The following ZMYND19 variants were observed in gnomAD, a reference collection of about 807,000 sequenced individuals.
ZMYND19 encodes zinc finger MYND-type containing 19.
Under a neutral mutation model 32.0 loss-of-function variants are expected in ZMYND19, and 17 were observed. The ratio of observed to expected loss-of-function variants is 0.53; its 90% CI spans 0.36 to 0.80. The LOEUF (loss-of-function observed/expected upper bound fraction) is 0.80. Among genes scored for constraint, ZMYND19 ranks in the 30% least tolerant of loss-of-function variants. ZMYND19 has a pLI of 0.00. For missense variants in ZMYND19, 250 were observed against 293.6 expected, an observed-to-expected ratio of 0.85 and a Z score of 1.09; for synonymous variants, 124 against 113.6, an observed-to-expected ratio of 1.09 and a Z score of -0.58.
At chr9:137,585,198 G>A (rs563173561) in intron 4 of ZMYND19, among the ~76,000 whole-genome samples, 10 of 151,972 alleles carry the variant, frequency 6.6e-5, no homozygotes, top group East Asian at 5.8e-4. Context: ...TGAGGCAGGC[G>A]GATCACCTGA....
rs766803235 is a variant in ZMYND19, at chr9:137,587,784, T to C, written c.151A>G (p.Ile51Val). 6.2e-7 allele frequency: 1 copy of C among 1,614,120 alleles called. No homozygotes were observed. The highest frequency in any genetic ancestry group is 2.2e-5 in the East Asian group (1 of 44,882). Reference protein sequence around the residue: ...EVDADGNGAKIFAYAFDKNRG... With the variant: ...EVDADGNGAKVFAYAFDKNRG... ...TTCTTGTCAAAGGCATAGGCAAATA[T>C]CTTAGCACCATTTCCATCTGCATCC... Residue 51 changes from isoleucine to valine, a missense_variant, in exon 3 of 6, where the codon ATA becomes GTA. Physicochemically the swap from Ile to Val is conservative, Grantham distance 29. Transcript: ENST00000298585.
In ZMYND19 at chr9:137,586,964, C is replaced by T. The variant is rs765254343; in HGVS notation, c.359+3G>A. ...GGCATCGCCAGGCCCTGAGAAGACC[C>T]ACCTCTGCTTGCTGGAGGTCTCTTC... On this transcript the variant is annotated splice_donor_region_variant and intron_variant, in intron 4 of 5. Coordinates refer to ENST00000298585, the MANE Select transcript of ZMYND19 (RefSeq NM_138462.3). 3 of 1,611,932 alleles carry T rather than the reference C, an allele frequency of 1.9e-6. No homozygotes were observed. The highest frequency in any genetic ancestry group is 2.2e-5 in the East Asian group (1 of 44,892).
chr9:137,582,950 GC>G, intron 5 of ZMYND19, 32 bp downstream of exon 5: 1 of 1,609,252 alleles, frequency 6.2e-7, no homozygotes, highest in African/African-American at 1.3e-5. Flanking sequence ...GGGTAGAGGT[GC>G]CAGGGACGCG....
intron 1 of ZMYND19, chr9:137,588,980 T>A: frequency 2.0e-6 from 1 of 489,244 alleles, no homozygotes; most frequent in Non-Finnish European, 3.7e-6. Flanking sequence ...GGTATCAGGC[T>A]TCATCCTCGC....
In ZMYND19 at chr9:137,583,064, G is replaced by A. The variant is rs140870796; in HGVS notation, c.459C>T (p.Asn153=). 2.4e-3 allele frequency: 3,876 copies of A among 1,614,164 alleles called. 67 individuals are homozygous for A. The Admixed American group carries it at 0.033, about 14-fold the overall frequency. The change falls in exon 5 of 6, where the codon AAC becomes AAT. Residue 153 remains asparagine, a synonymous_variant. Coordinates refer to ENST00000298585, the MANE Select transcript of ZMYND19 (RefSeq NM_138462.3). ...TCTCCTCCTCTTCCACTACATCCCC[G>A]TTGGCATTATAATACCGGGTCACAT... ...VLNVTRYYNA[N]GDVVEEEENS...
rs1411745292 is a variant in ZMYND19 at position 137,587,211 on chromosome 9, G to C, written c.219-104C>G. The stretch of plus-strand genomic sequence containing the variant: ...AAAGTCCTTCCAGGAAGAAATGTCA[G>C]CCATGTGATCTGATCGGGCCCCTGG... On this transcript the variant is annotated intron_variant, in intron 3 of 5. Coordinates refer to ENST00000298585, the MANE Select transcript of ZMYND19 (RefSeq NM_138462.3). 7 of 1,530,442 alleles carry C rather than the reference G, an allele frequency of 4.6e-6. No homozygotes were observed. In the East Asian group the frequency reaches 1.6e-4, roughly 34 times the overall value. 94.8% of individuals were successfully genotyped at this position (1,530,442 alleles called of 1,614,324 possible).
intron 1 of ZMYND19, 190 bp from the exon 2 acceptor site, chr9:137,588,908 G>C (rs997851613): frequency 3.3e-6 from 2 of 604,142 alleles, no homozygotes; most frequent in South Asian, 2.0e-5. Context: ...TGCAGTCTAC[G>C]ACAAAACACA....
At chr9:137,589,996 C>A (rs1842253489) in intron 1 of ZMYND19, 2 of 985,098 alleles carry the variant, frequency 2.0e-6, no homozygotes, top group Admixed American at 6.1e-5. Flanking sequence ...TGGCCAGGTG[C>A]ACCCCAGAGC....
At chr9:137,585,196 G>A (rs970142446) in intron 4 of ZMYND19, among the ~76,000 whole-genome samples, 1 of 152,044 alleles carries the variant, frequency 6.6e-6, no homozygotes, top group African/African-American at 2.4e-5. Flanking sequence ...GCTGAGGCAG[G>A]CGGATCACCT....
At chr9:137,584,111 G>A (rs776479845) in intron 4 of ZMYND19, among the ~76,000 whole-genome samples, 4 of 152,274 alleles carry the variant, frequency 2.6e-5, no homozygotes, top group African/African-American at 9.6e-5. Context: ...CACCCAGCCA[G>A]ACAGGATGTC....
rs1842254019 is a variant in ZMYND19 at position 137,590,028 on chromosome 9, C to T, written c.51+185G>A. The T allele has an allele frequency of 1.0e-6, 1 of 984,484 alleles. No individual in the cohort carries two copies. Among genetic ancestry groups the T allele is most frequent in the African/African-American group, 1.8e-5 (1 of 57,084 alleles). The allele number at this position is 984,484 out of a possible 1,614,324, so 61.0% of individuals were successfully genotyped here. A position where few individuals can be genotyped will look rare whatever the true frequency, so the allele number is the denominator to read the frequency against. ...GAGCCGAGGGGTGCGTGCCCGCCGG[C>T]CTGCGAGAGGAAGCTGCACCCGCGC... On this transcript the variant is annotated intron_variant, in intron 1 of 5. Coordinates refer to ENST00000298585, the MANE Select transcript of ZMYND19 (RefSeq NM_138462.3). This position sits in a 1 kb window ranked among gnomAD's most constrained non-coding sequence, Gnocchi z 4.2.
intron 3 of ZMYND19, 32 bp from the exon 4 acceptor site, chr9:137,587,139 C>T: frequency 6.3e-7 from 1 of 1,594,926 alleles, no homozygotes; most frequent in South Asian, 1.1e-5. Context: ...TGCATCTAAC[C>T]CTGCATCGCT....
chr9:137,583,271 C>G (rs1588972173), intron 4 of ZMYND19, 108 bp from the exon 5 acceptor site: 1 of 1,283,970 alleles, frequency 7.8e-7, no homozygotes, highest in East Asian at 2.3e-5. Context: ...GACACCCAGC[C>G]CGAGTTTGAG....
In ZMYND19 at chr9:137,586,352, AGAAG is replaced by A. The variant is rs573593654; in HGVS notation, c.359+611_359+614del. Among the ~76,000 whole-genome samples, 1,320 of 150,284 alleles carry A rather than the reference AGAAG, an allele frequency of 8.8e-3. 15 individuals carry two copies. The highest frequency in any genetic ancestry group is 0.014 in the Non-Finnish European group (916 of 67,264). On this transcript the variant is annotated intron_variant, in intron 4 of 5. Transcript: ENST00000298585. The stretch of plus-strand genomic sequence containing the variant: ...AAGGAAGGAATCCTGAGGTGAGCAG[AGAAG>A]GAAGGAATCCTGAGGTGAGCAGAGA...
chr9:137,585,022 G>GT (rs1421702586), intron 4 of ZMYND19, among the ~76,000 whole-genome samples: 6 of 152,282 alleles, frequency 3.9e-5, no homozygotes, highest in African/African-American at 9.6e-5. Context: ...TTCAACAATC[G>GT]TAAGAGGCCT....
intron 4 of ZMYND19, among the ~76,000 whole-genome samples, chr9:137,585,018 A>G (rs1842188245): frequency 6.6e-6 from 1 of 152,200 alleles, no homozygotes; most frequent in African/African-American, 2.4e-5. Context: ...CCCATTCAAC[A>G]ATCGTAAGAG....
At chr9:137,588,604 C>A in intron 2 of ZMYND19, 55 bp downstream of exon 2, 1 of 1,597,184 alleles carries the variant, frequency 6.3e-7, no homozygotes, top group African/African-American at 1.3e-5. Flanking sequence ...TTCCTCGTGA[C>A]CCTCCTGGGC....
intron 4 of ZMYND19, among the ~76,000 whole-genome samples, chr9:137,584,056 C>G (rs557480480): frequency 5.3e-5 from 8 of 152,266 alleles, no homozygotes; most frequent in African/African-American, 1.2e-4. Flanking sequence ...CCACAAAGAG[C>G]TGGATCACAG....
Position 137,586,490 on chromosome 9 carries a change from A to G in ZMYND19, c.359+477T>C, listed in dbSNP as rs1312447895. 6.3e-4 allele frequency among the ~76,000 whole-genome samples: 95 copies of G among 150,400 alleles called. 1 individual carries two copies. The highest frequency in any genetic ancestry group is 1.2e-4 in the Non-Finnish European group (8 of 67,760). On this transcript the variant is annotated intron_variant, in intron 4 of 5. Coordinates refer to ENST00000298585, the MANE Select transcript of ZMYND19 (RefSeq NM_138462.3). ...GAAGGAATCCCGAGGTGAGAGAAGG[A>G]AGGAATCCCGAGGTGAGAGAAGGAA...
Sources: gnomAD v4.1 joint callset for allele counts (sites outside exome capture counted in the v4.1 genomes callset) on GRCh38, gnomAD v4.1.1 for gene constraint, Gnocchi (gnomAD v3.1) non-coding constraint, MANE v1.5 for transcripts, NCBI Gene and HGNC (gene_info 2026-07-23, HGNC 2026-07-21) for gene names.